The following ARHGAP11A variants were observed in gnomAD, a reference collection of about 807,000 sequenced individuals.
ARHGAP11A encodes the protein rho GTPase-activating protein 11A.
A neutral mutation model predicts 60.5 loss-of-function variants in ARHGAP11A; 36 were observed. The ratio of observed to expected loss-of-function variants is 0.59; its 90% confidence interval spans 0.46 to 0.79. The LOEUF (loss-of-function observed/expected upper bound fraction) is 0.79, where lower values mean the gene tolerates loss of function less well. Among genes scored for constraint, ARHGAP11A ranks in the 30% least tolerant of loss-of-function variants. ARHGAP11A has a pLI of 0.00. For missense variants in ARHGAP11A, 1,071 were observed against 1,199.2 expected (o/e 0.89, Z 1.58); for synonymous variants, 362 against 415.5 (o/e 0.87, Z 1.57).
At position 32,625,237 on chromosome 15, in the gene ARHGAP11A, G is replaced by A. The variant is rs919466357; in HGVS notation, c.709G>A (p.Asp237Asn). Residue 237 changes from aspartate (D) to asparagine (N), a missense_variant, in exon 5 of 12, where the codon GAT (aspartate) becomes AAT (asparagine). Physicochemically the swap from Asp to Asn is conservative, Grantham distance 23. Around this residue, in one of 4 missense-constraint regions of ARHGAP11A, gnomAD observed 196 missense variants for 272.1 expected, o/e 0.72. Coordinates refer to ENST00000361627, the MANE Select transcript of ARHGAP11A (RefSeq NM_014783.6). The part of the protein sequence containing the change: ...VVQTLIDYAS[D>N]IGRVPDFILE... ...ACAGACTCTTATCGATTATGCATCA[G>A]ATATTGGTAAGATGTAGTTGCATTA... is the stretch of plus-strand genomic sequence containing the variant. 6.2e-7 allele frequency: 1 copy of A among 1,605,038 alleles called. No homozygotes were observed. Among genetic ancestry groups the A allele is most frequent in the African/African-American group, 1.3e-5 (1 of 74,574 alleles).
intron 8 of ARHGAP11A, among the ~76,000 whole-genome samples, chr15:32,632,542 G>A (rs979263977): frequency 6.6e-6 from 1 of 151,916 alleles, no homozygotes; most frequent in Non-Finnish European, 1.5e-5. Flanking sequence ...CCATTAATTG[G>A]TATTATGTAC....
chr15:32,632,674 C>CT (rs1259578165), intron 8 of ARHGAP11A, among the ~76,000 whole-genome samples: 1 of 152,110 alleles, frequency 6.6e-6, no homozygotes, highest in African/African-American at 2.4e-5. Flanking sequence ...AAATCTTGTT[C>CT]TTTTTCCAGT....
At chr15:32,618,702 G>A (rs1269672850) in intron 1 of ARHGAP11A, among the ~76,000 whole-genome samples, 1 of 151,916 alleles carries the variant, frequency 6.6e-6, no homozygotes, top group African/African-American at 2.4e-5. Flanking sequence ...TTGGGAGGCC[G>A]AGGCGGGTGG....
intron 2 of ARHGAP11A, among the ~76,000 whole-genome samples, chr15:32,622,307 A>G (rs1358296598): frequency 6.6e-6 from 1 of 152,280 alleles, no homozygotes; most frequent in East Asian, 1.9e-4. Context: ...AGTCCCAGCT[A>G]GTCGGGAGGC....
At chr15:32,616,769 A>G (rs774545612) in intron 1 of ARHGAP11A, among the ~76,000 whole-genome samples, 2 of 152,086 alleles carry the variant, frequency 1.3e-5, no homozygotes, top group Admixed American at 6.5e-5. Flanking sequence ...AGGGACAAAA[A>G]CTCTACCCCT....
intron 5 of ARHGAP11A, 116 bp from the exon 6 acceptor site, chr15:32,625,371 C>T: frequency 2.7e-6 from 4 of 1,466,558 alleles, no homozygotes; most frequent in East Asian, 4.5e-5. Context: ...CCCTACAGTA[C>T]CGGCCCCTCC....
chr15:32,623,505 G>C lies in ARHGAP11A; in HGVS notation c.214G>C (p.Ala72Pro). The change falls in exon 3 of 12, where the codon GCT becomes CCT. Residue 72 changes from alanine (A) to proline (P), a missense_variant. Physicochemically the swap from Ala to Pro is conservative, Grantham distance 27. Coordinates refer to ENST00000361627, the MANE Select transcript of ARHGAP11A (RefSeq NM_014783.6). ...TCTCTCTTTCAGCTTTCTTGTCGAT[G>C]CTTGCACATCTTTAGAAGACCATAT... ...YGHIPSFLVD[A>P]CTSLEDHIHT... 1 of 1,612,320 alleles carries C rather than the reference G, an allele frequency of 6.2e-7. No homozygotes were observed. The highest frequency in any genetic ancestry group is 8.5e-7 in the Non-Finnish European group (1 of 1,179,584).
Position 32,633,979 on chromosome 15 carries a change from A to G in ARHGAP11A, c.1282A>G (p.Lys428Glu). Residue 428 changes from lysine to glutamate, a missense_variant, in exon 10 of 12, where the codon AAA (lysine) becomes GAA (glutamate). By Grantham distance (56) the Lys-to-Glu change is moderately conservative (BLOSUM62 1). Coordinates refer to ENST00000361627, the MANE Select transcript of ARHGAP11A (RefSeq NM_014783.6). Reference sequence around the variant, plus strand: ...CTGCTTTTCTCCTAAAATCAGCCATAAAGAAAAGGTTCGAAGATCTCTGCG... The same window carrying G: ...CTGCTTTTCTCCTAAAATCAGCCATGAAGAAAAGGTTCGAAGATCTCTGCG... ...AGCFSPKISH[K>E]EKVRRSLRLK... The G allele has an allele frequency of 6.2e-7, 1 of 1,607,660 alleles. No individual in the cohort carries two copies. Among genetic ancestry groups the G allele is most frequent in the Non-Finnish European group, 8.5e-7 (1 of 1,178,414 alleles).
Position 32,637,622 on chromosome 15 carries a change from AG to A in ARHGAP11A, c.2850del (p.Lys951ArgfsTer15). ...ASLRSTTVYK[Q>X]KILSDGQVKV... is the part of the protein sequence containing the mutation. ...CTTAGGTCTACTACAGTTTATAAAC[AG>A]AAGATCTTATCTGATGGCCAAGTTA... On this transcript the variant is annotated frameshift_variant, in exon 12 of 12. Transcript: ENST00000361627. LOFTEE classifies it high-confidence loss of function. 6.2e-7 allele frequency: 1 copy of A among 1,614,226 alleles called. No homozygotes were observed. The highest frequency in any genetic ancestry group is 2.2e-5 in the East Asian group (1 of 44,884).
intron 1 of ARHGAP11A, among the ~76,000 whole-genome samples, chr15:32,618,176 T>G (rs1218828834): frequency 6.6e-6 from 1 of 152,252 alleles, no homozygotes; most frequent in Non-Finnish European, 1.5e-5. Flanking sequence ...TTTAGCCGAC[T>G]GGTGTTTGTT....
chr15:32,618,497 A>T (rs1286152656), intron 1 of ARHGAP11A, among the ~76,000 whole-genome samples: 1 of 152,250 alleles, frequency 6.6e-6, no homozygotes, highest in Non-Finnish European at 1.5e-5. Context: ...ACTGTGTGTC[A>T]GACACTGATA....
rs1864988022 is a variant in ARHGAP11A, at chr15:32,638,588, C to G, written c.*743C>G. ...ATTATATTAATGTTTATTGTCCTTG[C>G]CAAAATTCCTAGAAATTAATTTCCT... On this transcript the variant is annotated 3_prime_UTR_variant, in exon 12 of 12. Coordinates refer to ENST00000361627, the MANE Select transcript of ARHGAP11A (RefSeq NM_014783.6). 6.6e-6 allele frequency: 1 copy of G among 152,370 alleles called. No homozygotes were observed. Among genetic ancestry groups the G allele is most frequent in the African/African-American group, 2.4e-5 (1 of 41,424 alleles). The allele number at this position is 152,370 out of a possible 1,614,324, so 9.4% of individuals were successfully genotyped here.
chr15:32,620,087 T>A (rs1259556308), intron 1 of ARHGAP11A, 21 bp from the exon 2 acceptor site: 1 of 1,578,758 alleles, frequency 6.3e-7, no homozygotes, highest in Non-Finnish European at 8.6e-7. Flanking sequence ...TGTGTTAGAG[T>A]AACTGAATTT....
intron 2 of ARHGAP11A, 94 bp from the exon 3 acceptor site, chr15:32,623,398 G>A (rs2140451318): frequency 8.6e-7 from 1 of 1,165,194 alleles, no homozygotes; most frequent in Non-Finnish European, 1.2e-6. Flanking sequence ...TAGAGCCTCT[G>A]AAAGGTACGT....
chr15:32,621,005 GGCT>G (rs1426272480), intron 2 of ARHGAP11A, among the ~76,000 whole-genome samples: 1 of 151,976 alleles, frequency 6.6e-6, no homozygotes, highest in Non-Finnish European at 1.5e-5. Flanking sequence ...AGGAGTTTGA[GGCT>G]GCAGTGAGCT....
At position 32,638,604 on chromosome 15, in the gene ARHGAP11A, T is replaced by G. The variant is rs2053779149; in HGVS notation, c.*759T>G. 1.3e-5 allele frequency: 2 copies of G among 152,534 alleles called. No individual in the cohort carries two copies. The highest frequency in any genetic ancestry group is 4.1e-4 in the South Asian group (2 of 4,832). 9.4% of individuals were successfully genotyped at this position (152,534 alleles called of 1,614,324 possible). On this transcript the variant is annotated 3_prime_UTR_variant, in exon 12 of 12. Transcript: ENST00000361627. ...TTGTCCTTGCCAAAATTCCTAGAAATTAATTTCCTTCAATAGCATCCTAAA... is the reference window on the plus strand; with the variant it reads ...TTGTCCTTGCCAAAATTCCTAGAAAGTAATTTCCTTCAATAGCATCCTAAA...
Position 32,638,670 on chromosome 15 carries a change from G to A in ARHGAP11A, c.*825G>A, listed in dbSNP as rs1273333653. On this transcript the variant is annotated 3_prime_UTR_variant, in exon 12 of 12. Coordinates refer to ENST00000361627, the MANE Select transcript of ARHGAP11A (RefSeq NM_014783.6). ...GGGGCAGAGTAATTTCATTTATAGTGCCAGTAGGTGTACCTTGTGTTCACT... is the reference window on the plus strand; with the variant it reads ...GGGGCAGAGTAATTTCATTTATAGTACCAGTAGGTGTACCTTGTGTTCACT... 6.6e-6 allele frequency: 1 copy of A among 152,544 alleles called. No homozygotes were observed. Among genetic ancestry groups the A allele is most frequent in the Non-Finnish European group, 1.5e-5 (1 of 68,022 alleles). The allele number at this position is 152,544 out of a possible 1,614,324, so 9.4% of individuals were successfully genotyped here.
At position 32,623,595 on chromosome 15, in the gene ARHGAP11A, A is replaced by T; in HGVS notation, c.297+7A>T. ...TCGCCTAAAAGCACTAAAGGTGAGCATATTGTTGAACTATTAATTTTTCAT... is the reference window on the plus strand; with the variant it reads ...TCGCCTAAAAGCACTAAAGGTGAGCTTATTGTTGAACTATTAATTTTTCAT... On this transcript the variant is annotated splice_region_variant and intron_variant, in intron 3 of 11. Coordinates refer to ENST00000361627, the MANE Select transcript of ARHGAP11A (RefSeq NM_014783.6). 1 of 1,607,610 alleles carries T rather than the reference A, an allele frequency of 6.2e-7. No individual in the cohort carries two copies. The highest frequency in any genetic ancestry group is 8.5e-7 in the Non-Finnish European group (1 of 1,177,886).
chr15:32,637,969 A>AC lies in ARHGAP11A; in HGVS notation c.*124_*125insC, dbSNP rs1431931409. 6.7e-6 allele frequency: 6 copies of AC among 893,856 alleles called. No homozygotes were observed. Among genetic ancestry groups the AC allele is most frequent in the Middle Eastern group, 3.5e-4 (1 of 2,870 alleles). 55.4% of individuals were successfully genotyped at this position (893,856 alleles called of 1,614,324 possible). A position where few individuals can be genotyped will look rare whatever the true frequency, so the allele number is the denominator to read the frequency against. On this transcript the variant is annotated 3_prime_UTR_variant, in exon 12 of 12. Transcript: ENST00000361627. ...TAAGCAATAGATTTGCTCTATTGAAAATGTTTCATTTTTTTCACTGTACAA... is the reference window on the plus strand; with the variant it reads ...TAAGCAATAGATTTGCTCTATTGAAACATGTTTCATTTTTTTCACTGTACAA...
Sources: allele counts gnomAD v4.1 joint callset (sites outside exome capture counted in the v4.1 genomes callset), GRCh38; gene constraint gnomAD v4.1.1; regional missense constraint gnomAD v4.1.1; transcripts MANE v1.5; gene names NCBI Gene and HGNC (gene_info 2026-07-23, HGNC 2026-07-21).